The following RIMBP2 variants were observed in gnomAD, a reference collection of about 807,000 sequenced individuals.
RIMBP2 encodes the protein RIMS binding protein 2.
RIMBP2 carries 48 observed loss-of-function variants against 118.6 expected under a neutral mutation model. The ratio of observed to expected loss-of-function variants is 0.40; its 90% CI spans 0.32 to 0.51. The LOEUF is 0.51. Ranked by LOEUF, RIMBP2 falls within the 20% of genes least tolerant of loss-of-function variation. The probability of loss-of-function intolerance (pLI) is 0.41; values close to 1 mark genes in which losing one functional copy is unlikely to be tolerated. For synonymous variants in RIMBP2, 762 were observed against 742.9 expected (o/e 1.03, Z -0.42); for missense variants, 1,551 against 1,768.3 (o/e 0.88, Z 2.20).
chr12:130,463,399 G>A (rs2080179127), intron 6 of RIMBP2, among the ~76,000 whole-genome samples: 1 of 152,180 alleles, frequency 6.6e-6, no homozygotes, highest in South Asian at 2.1e-4. Flanking sequence ...AGAGTCATCA[G>A]GCAAGTCAAC....
chr12:130,509,016 A>T (rs141433050), intron 3 of RIMBP2, among the ~76,000 whole-genome samples: 1 of 152,120 alleles, frequency 6.6e-6, no homozygotes, highest in East Asian at 1.9e-4. Flanking sequence ...GGAAGACATG[A>T]TCAAGAAATG....
At chr12:130,618,719 T>C (rs1277456053) in intron 2 of RIMBP2, among the ~76,000 whole-genome samples, 1 of 152,180 alleles carries the variant, frequency 6.6e-6, no homozygotes, top group Admixed American at 6.5e-5. Flanking sequence ...GACGGAAACA[T>C]CTTTATAGCT....
chr12:130,699,663 A>G (rs970296315), intron 1 of RIMBP2, among the ~76,000 whole-genome samples: 5 of 152,080 alleles, frequency 3.3e-5, no homozygotes, highest in East Asian at 1.9e-4. Context: ...CACCAACACG[A>G]CACATGTATA....
In RIMBP2 at chr12:130,431,437, C is replaced by A. The variant is rs2077145253; in HGVS notation, c.2254-3100G>T. 2.4e-6 allele frequency: 1 copy of A among 415,696 alleles called. No homozygotes were observed. Among genetic ancestry groups the A allele is most frequent in the South Asian group, 1.8e-5 (1 of 56,818 alleles). 25.8% of individuals were successfully genotyped at this position (415,696 alleles called of 1,614,324 possible). A position where few individuals can be genotyped will look rare whatever the true frequency, so the allele number is the denominator to read the frequency against. Reference sequence around the variant, plus strand: ...ACCACTGTCATGATGCGTCACCTAGCCAGACGCCATCTGTATGATTAATGA... The same window carrying A: ...ACCACTGTCATGATGCGTCACCTAGACAGACGCCATCTGTATGATTAATGA... On this transcript the variant is annotated intron_variant, in intron 14 of 22. Coordinates refer to ENST00000690449, the MANE Select transcript of RIMBP2 (RefSeq NM_001393629.1). This position sits in a 1 kb window ranked among gnomAD's most constrained non-coding sequence, Gnocchi z 4.0.
rs1399791264 is a variant in RIMBP2, at chr12:130,663,049, T to C, written c.-351-34593A>G. 3.9e-5 allele frequency among the ~76,000 whole-genome samples: 6 copies of C among 152,180 alleles called. No homozygotes were observed. In the East Asian group the frequency reaches 7.7e-4, roughly 20 times the overall value. The stretch of plus-strand genomic sequence containing the variant: ...AAGGCACCTGGATATTTTTAAACCA[T>C]CCCAGGTGGTTCCCACGTGCGGCCA... On this transcript the variant is annotated intron_variant, in intron 1 of 22. Transcript: ENST00000690449.
At chr12:130,527,266 C>T (rs7134614) in intron 2 of RIMBP2, among the ~76,000 whole-genome samples, 126,884 of 152,186 alleles carry the variant, frequency 0.83, 53,006 homozygotes, top group East Asian at 0.97. Flanking sequence ...ATGTGAAATA[C>T]TATGCTAATA....
At chr12:130,515,111 C>T (rs1040862946) in intron 3 of RIMBP2, among the ~76,000 whole-genome samples, 102 of 152,214 alleles carry the variant, frequency 6.7e-4, no homozygotes, top group Middle Eastern at 3.4e-3. Context: ...CTCCTGACCT[C>T]GTGATCCGCC....
At chr12:130,641,929 C>G (rs1403579989) in intron 1 of RIMBP2, among the ~76,000 whole-genome samples, 2 of 152,094 alleles carry the variant, frequency 1.3e-5, no homozygotes, top group African/African-American at 4.8e-5. Flanking sequence ...TCATTAATCC[C>G]CACCCTGACT....
intron 1 of RIMBP2, among the ~76,000 whole-genome samples, chr12:130,655,760 C>T: frequency 6.6e-6 from 1 of 152,254 alleles, no homozygotes; most frequent in South Asian, 2.1e-4. Flanking sequence ...TCTCCCTCAG[C>T]TCCTCGAATT....
At chr12:130,570,227 G>A (rs979770773) in intron 2 of RIMBP2, among the ~76,000 whole-genome samples, 1 of 152,032 alleles carries the variant, frequency 6.6e-6, no homozygotes, top group African/African-American at 2.4e-5. Flanking sequence ...AGTTTGAGAT[G>A]AGCCTGCGCA....
chr12:130,712,165 G>A (rs973962911), intron 1 of RIMBP2, among the ~76,000 whole-genome samples: 1 of 152,222 alleles, frequency 6.6e-6, no homozygotes, highest in African/African-American at 2.4e-5. Flanking sequence ...GTACGTGTCT[G>A]TAGACCCTAC....
chr12:130,527,320 G>A (rs1025843710), intron 2 of RIMBP2, among the ~76,000 whole-genome samples: 13 of 152,172 alleles, frequency 8.5e-5, no homozygotes, highest in African/African-American at 1.9e-4. Context: ...TCCCAGTGTC[G>A]GGGGAGGGTT....
chr12:130,515,676 A>G (rs1220215619), intron 3 of RIMBP2, among the ~76,000 whole-genome samples: 5 of 149,742 alleles, frequency 3.3e-5, no homozygotes, highest in Admixed American at 2.7e-4. Flanking sequence ...ACATGTACAT[A>G]TATCTATTTG....
At position 130,511,710 on chromosome 12, in the gene RIMBP2, T is replaced by G. The variant is rs11060963; in HGVS notation, c.-126-4940A>C. Among the ~76,000 whole-genome samples the G allele has an allele frequency of 0.19, 28,918 of 152,156 alleles. 3,348 individuals are homozygous for G. The highest frequency in any genetic ancestry group is 0.26 in the Non-Finnish European group (17,411 of 67,976). On this transcript the variant is annotated intron_variant, in intron 3 of 22. Transcript: ENST00000690449. The surrounding 1 kb of genome is among the most constrained non-coding windows in gnomAD (Gnocchi z 4.3). Reference sequence around the variant, plus strand: ...TTCTGATGAGCCTGGAGCAGAAATCTCTAGAGGACAATGACCTTTCATGAA... The same window carrying G: ...TTCTGATGAGCCTGGAGCAGAAATCGCTAGAGGACAATGACCTTTCATGAA...
At position 130,504,265 on chromosome 12, in the gene RIMBP2, T is replaced by C. The variant is rs1057427078; in HGVS notation, c.-4+2383A>G. Among the ~76,000 whole-genome samples, 5 of 152,286 alleles carry C rather than the reference T, an allele frequency of 3.3e-5. No individual in the cohort carries two copies. In the East Asian group the frequency reaches 9.7e-4, roughly 30 times the overall value. On this transcript the variant is annotated intron_variant, in intron 4 of 22. Coordinates refer to ENST00000690449, the MANE Select transcript of RIMBP2 (RefSeq NM_001393629.1). ...CTGGCACTTCAGTGTCTTTGTTCTG[T>C]GCAGGCAAAGGGGAGGGGCTGTGAG...
chr12:130,706,025 C>T (rs1464228040), intron 1 of RIMBP2, among the ~76,000 whole-genome samples: 1 of 152,226 alleles, frequency 6.6e-6, no homozygotes, highest in African/African-American at 2.4e-5. Flanking sequence ...TCAGAGGACC[C>T]GTTTCTGGGA....
chr12:130,698,325 C>T (rs1488583442), intron 1 of RIMBP2, among the ~76,000 whole-genome samples: 1 of 152,164 alleles, frequency 6.6e-6, no homozygotes, highest in African/African-American at 2.4e-5. Flanking sequence ...TTCAGAAGGC[C>T]GTCCGTCCCT....
rs753438691 is a variant in RIMBP2 at position 130,438,568 on chromosome 12, T to C, written c.1505-52A>G. 1.8e-4 allele frequency: 266 copies of C among 1,475,380 alleles called. 1 individual carries two copies. Among genetic ancestry groups the C allele is most frequent in the Middle Eastern group, 4.7e-4 (2 of 4,280 alleles). The allele number at this position is 1,475,380 out of a possible 1,614,324, so 91.4% of individuals were successfully genotyped here. A position where few individuals can be genotyped will look rare whatever the true frequency, so the allele number is the denominator to read the frequency against. Reference sequence around the variant, plus strand: ...GCGTTCAGGGACCAGCCCTGGCAGGTGAGCCGTGACTGGGCTCTGCCCATC... The same window carrying C: ...GCGTTCAGGGACCAGCCCTGGCAGGCGAGCCGTGACTGGGCTCTGCCCATC... On this transcript the variant is annotated intron_variant, in intron 11 of 22. Coordinates refer to ENST00000690449, the MANE Select transcript of RIMBP2 (RefSeq NM_001393629.1).
At chr12:130,477,862 CGG>C (rs2081576073) in intron 5 of RIMBP2, among the ~76,000 whole-genome samples, 1 of 152,208 alleles carries the variant, frequency 6.6e-6, no homozygotes, top group Non-Finnish European at 1.5e-5. Flanking sequence ...CAGCACCGGG[CGG>C]GAGGCTGCAG....
Sources: allele counts gnomAD v4.1 joint callset (sites outside exome capture counted in the v4.1 genomes callset), GRCh38; gene constraint gnomAD v4.1.1; non-coding constraint Gnocchi (gnomAD v3.1); transcripts MANE v1.5; gene names NCBI Gene and HGNC (gene_info 2026-07-23, HGNC 2026-07-21).